Variants in PEBP4 observed in about 807,000 individuals in gnomAD.
PEBP4 encodes phosphatidylethanolamine-binding protein 4.
In PEBP4, 22 loss-of-function variants were observed where a neutral mutation model predicts 23.9. The observed-to-expected ratio is 0.92, with a 90% CI of 0.66 to 1.31. The LOEUF is 1.31. Ranked by LOEUF, PEBP4 falls within the 40% of genes most tolerant of loss-of-function variation. PEBP4 has a pLI of 0.00. For synonymous variants in PEBP4, 112 were observed against 99.3 expected, an observed-to-expected ratio of 1.13 and a Z score of -0.76; for missense variants, 324 against 281.7, an observed-to-expected ratio of 1.15 and a Z score of -1.07.
chr8:22,765,247 G>A (rs1343102220), intron 4 of PEBP4, among the ~76,000 whole-genome samples: 6 of 151,898 alleles, frequency 4.0e-5, no homozygotes, highest in Non-Finnish European at 7.4e-5. Flanking sequence ...ATGTTCAAGC[G>A]ATTCTCCTGC....
At chr8:22,744,584 C>T (rs1484894717) in intron 4 of PEBP4, 1 of 152,296 alleles carries the variant, frequency 6.6e-6, no homozygotes, top group Non-Finnish European at 1.5e-5. Flanking sequence ...CATGTCCTCT[C>T]TTCTTGCAGA....
intron 3 of PEBP4, among the ~76,000 whole-genome samples, chr8:22,881,147 C>T (rs906901461): frequency 6.6e-6 from 1 of 152,226 alleles, no homozygotes; most frequent in Non-Finnish European, 1.5e-5. Context: ...GTGACTGTGG[C>T]CTTGAGTGTG....
intron 3 of PEBP4, 42 bp downstream of exon 3, chr8:22,920,142 C>T: frequency 6.3e-7 from 1 of 1,586,508 alleles, no homozygotes; most frequent in Non-Finnish European, 8.6e-7. Context: ...ACATCAAGAC[C>T]CCCAACTGTC....
chr8:22,876,493 G>T (rs1018285167), intron 3 of PEBP4, among the ~76,000 whole-genome samples: 3 of 152,170 alleles, frequency 2.0e-5, no homozygotes, highest in African/African-American at 7.2e-5. Context: ...TCCAGGAGAG[G>T]GTTGGCAGGA....
chr8:22,908,275 G>A (rs559993200), intron 3 of PEBP4, among the ~76,000 whole-genome samples: 2 of 152,136 alleles, frequency 1.3e-5, no homozygotes, highest in South Asian at 4.2e-4. Flanking sequence ...GAAGAAGCTG[G>A]GAACAAGAAA....
At chr8:22,827,670 A>G (rs777070746) in intron 3 of PEBP4, among the ~76,000 whole-genome samples, 5 of 152,254 alleles carry the variant, frequency 3.3e-5, no homozygotes, top group Non-Finnish European at 7.3e-5. Context: ...CACTTTGGCT[A>G]TTATGAATGA....
At chr8:22,843,549 G>A (rs1264036067) in intron 3 of PEBP4, among the ~76,000 whole-genome samples, 1 of 152,206 alleles carries the variant, frequency 6.6e-6, no homozygotes, top group African/African-American at 2.4e-5. Flanking sequence ...AACCTGGGGT[G>A]TACTTGACGG....
chr8:22,738,831 C>T (rs1174021040), intron 4 of PEBP4, among the ~76,000 whole-genome samples: 3 of 152,086 alleles, frequency 2.0e-5, no homozygotes, highest in South Asian at 2.1e-4. Context: ...GCTCATATAT[C>T]CACATGCACA....
At chr8:22,880,023 G>C (rs909775652) in intron 3 of PEBP4, among the ~76,000 whole-genome samples, 11 of 152,352 alleles carry the variant, frequency 7.2e-5, no homozygotes, top group African/African-American at 2.6e-4. Context: ...AGACTGAAAA[G>C]TAGATTGCCA....
chr8:22,891,074 C>A (rs1055159916), intron 3 of PEBP4, among the ~76,000 whole-genome samples: 2 of 152,214 alleles, frequency 1.3e-5, no homozygotes, highest in Admixed American at 6.5e-5. Context: ...ATGATCTGCC[C>A]ACCTCAGCAT....
At chr8:22,800,986 A>G (rs1396601933) in intron 4 of PEBP4, among the ~76,000 whole-genome samples, 1 of 151,360 alleles carries the variant, frequency 6.6e-6, no homozygotes, top group African/African-American at 2.4e-5. Flanking sequence ...GCCCCACCCA[A>G]CTCTGCCACT....
chr8:22,792,615 C>T (rs369795561), intron 4 of PEBP4, among the ~76,000 whole-genome samples: 1 of 152,152 alleles, frequency 6.6e-6, no homozygotes, highest in African/African-American at 2.4e-5. Context: ...GCTTCACACA[C>T]GCTGCCTTAT....
chr8:22,778,064 G>T (rs773789850), intron 4 of PEBP4, among the ~76,000 whole-genome samples: 2 of 152,110 alleles, frequency 1.3e-5, no homozygotes, highest in Non-Finnish European at 2.9e-5. Flanking sequence ...GTGCCATCAC[G>T]GTTCCCTTCC....
At chr8:22,726,308 G>T (rs1313011385) in intron 5 of PEBP4, among the ~76,000 whole-genome samples, 1 of 152,190 alleles carries the variant, frequency 6.6e-6, no homozygotes, top group African/African-American at 2.4e-5. Flanking sequence ...AGTCAGTGTG[G>T]GCAAGATGTG....
intron 3 of PEBP4, among the ~76,000 whole-genome samples, chr8:22,846,631 G>C (rs1264330822): frequency 6.6e-6 from 1 of 152,102 alleles, no homozygotes; most frequent in Non-Finnish European, 1.5e-5. Flanking sequence ...CCAAGTAAGA[G>C]GTTGTGTCAC....
At chr8:22,841,727 G>C (rs1395004235) in intron 3 of PEBP4, among the ~76,000 whole-genome samples, 1 of 152,232 alleles carries the variant, frequency 6.6e-6, no homozygotes, top group Non-Finnish European at 1.5e-5. Flanking sequence ...TGTAGTTCTG[G>C]GAGGACAGCT....
At chr8:22,829,399 C>A (rs1177897343) in intron 3 of PEBP4, among the ~76,000 whole-genome samples, 1 of 152,186 alleles carries the variant, frequency 6.6e-6, no homozygotes, top group South Asian at 2.1e-4. Context: ...CTCCAATATC[C>A]TTAAATCTCC....
At chr8:22,762,491 A>G (rs759332105) in intron 4 of PEBP4, among the ~76,000 whole-genome samples, 12 of 152,144 alleles carry the variant, frequency 7.9e-5, no homozygotes, top group Non-Finnish European at 1.6e-4. Flanking sequence ...CATGGTTGAG[A>G]AAAAGCAAGG....
chr8:22,898,490 A>G (rs1257260034), intron 3 of PEBP4, among the ~76,000 whole-genome samples: 1 of 150,522 alleles, frequency 6.6e-6, no homozygotes, highest in Non-Finnish European at 1.5e-5. Context: ...ATCACAGAAA[A>G]TGGTCACTCA....
Sources: gnomAD v4.1 joint callset for allele counts (sites outside exome capture counted in the v4.1 genomes callset) on GRCh38, gnomAD v4.1.1 for gene constraint, MANE v1.5 for transcripts, NCBI Gene and HGNC (gene_info 2026-07-23, HGNC 2026-07-21) for gene names.